NAALADL2: variants seen among roughly 807,000 people sequenced by gnomAD.
NAALADL2 encodes N-acetylated alpha-linked acidic dipeptidase like 2.
Under a neutral mutation model 87.2 loss-of-function variants are expected in NAALADL2, and 76 were observed. That is an observed-to-expected ratio of 0.87 (90% CI 0.72 to 1.05). The LOEUF (loss-of-function observed/expected upper bound fraction) is 1.05. Ranked by LOEUF, NAALADL2 falls within the 50% of genes least tolerant of loss-of-function variation. The pLI, the probability that NAALADL2 is intolerant of heterozygous loss-of-function variation, is 0.00. For synonymous variants in NAALADL2, 354 were observed against 331.0 expected (o/e 1.07, Z -0.75); for missense variants, 1,089 against 945.8 (o/e 1.15, Z -1.99).
intron 2 of NAALADL2, among the ~76,000 whole-genome samples, chr3:175,228,849 T>C (rs2109423148): frequency 6.6e-6 from 1 of 151,906 alleles, no homozygotes; most frequent in Non-Finnish European, 1.5e-5. Flanking sequence ...GAAAGGAACA[T>C]TACATGCCAA....
In NAALADL2 at chr3:174,935,333, G is replaced by A. The variant is rs149101541; in HGVS notation, c.43+75883G>A. Among the ~76,000 whole-genome samples, 1,367 of 152,244 alleles carry A rather than the reference G, an allele frequency of 9.0e-3. 26 individuals carry two copies. The highest frequency in any genetic ancestry group is 0.031 in the African/African-American group (1,297 of 41,538). On this transcript the variant is annotated intron_variant, in intron 1 of 13. Coordinates refer to ENST00000454872, the MANE Select transcript of NAALADL2 (RefSeq NM_207015.3). Reference sequence around the variant, plus strand: ...ATGCATGAAATTTTCTCACATTCATGTAGAATGAACATACAGTTCATAATA... The same window carrying A: ...ATGCATGAAATTTTCTCACATTCATATAGAATGAACATACAGTTCATAATA...
chr3:175,768,940 T>C (rs1002664732), intron 13 of NAALADL2, among the ~76,000 whole-genome samples: 24 of 152,222 alleles, frequency 1.6e-4, no homozygotes, highest in African/African-American at 5.3e-4. Context: ...AATGATCATA[T>C]TGTGAACCAA....
chr3:175,138,918 A>ATGTGTATG (rs1156981904), intron 2 of NAALADL2, among the ~76,000 whole-genome samples: 2 of 136,392 alleles, frequency 1.5e-5, no homozygotes, highest in Non-Finnish European at 3.1e-5. Context: ...ATATATATAT[A>ATGTGTATG]TATATATGAT....
chr3:175,561,251 C>A (rs1317973350), intron 9 of NAALADL2, among the ~76,000 whole-genome samples: 3 of 152,072 alleles, frequency 2.0e-5, no homozygotes, highest in East Asian at 1.9e-4. Flanking sequence ...CTATGCACAT[C>A]CTTCCCTATA....
At chr3:174,821,994 A>T (rs1459734141) in intron 3 of NAALADL2, among the ~76,000 whole-genome samples, 1 of 152,186 alleles carries the variant, frequency 6.6e-6, no homozygotes, top group East Asian at 1.9e-4. Context: ...TCACTGCGAT[A>T]ATAAAGATAA....
At chr3:175,562,403 T>C (rs1359812084) in intron 9 of NAALADL2, among the ~76,000 whole-genome samples, 1 of 152,058 alleles carries the variant, frequency 6.6e-6, no homozygotes, top group Non-Finnish European at 1.5e-5. Flanking sequence ...ATGTACATAT[T>C]ATTATGTATA....
At chr3:175,727,889 T>C (rs1743145956) in intron 11 of NAALADL2, among the ~76,000 whole-genome samples, 1 of 152,146 alleles carries the variant, frequency 6.6e-6, no homozygotes, top group Non-Finnish European at 1.5e-5. Context: ...ATGTTTCTGC[T>C]TATACATGAA....
chr3:175,592,909 G>GA (rs1440791000), intron 10 of NAALADL2, among the ~76,000 whole-genome samples: 2 of 151,388 alleles, frequency 1.3e-5, no homozygotes, highest in East Asian at 1.9e-4. Flanking sequence ...ATAAAAAAAA[G>GA]AAAAAAAAGC....
chr3:174,990,197 G>A (rs144810033), intron 1 of NAALADL2, among the ~76,000 whole-genome samples: 4 of 152,210 alleles, frequency 2.6e-5, no homozygotes, highest in African/African-American at 7.2e-5. Context: ...TACCCACGTT[G>A]GTTCTAAGTC....
intron 1 of NAALADL2, among the ~76,000 whole-genome samples, chr3:174,476,342 T>G (rs1717209888): frequency 6.6e-6 from 1 of 151,704 alleles, no homozygotes; most frequent in Non-Finnish European, 1.5e-5. Flanking sequence ...ATCAAAGAAC[T>G]TTATAGATCA....
intron 3 of NAALADL2, among the ~76,000 whole-genome samples, chr3:174,831,938 T>C (rs1722753002): frequency 6.6e-6 from 1 of 151,774 alleles, no homozygotes. Flanking sequence ...TGTATTTCTG[T>C]GGGATCGGTG....
At chr3:174,569,929 C>G (rs1224172498) in intron 2 of NAALADL2, among the ~76,000 whole-genome samples, 2 of 152,090 alleles carry the variant, frequency 1.3e-5, no homozygotes, top group Non-Finnish European at 2.9e-5. Context: ...GAAGCTTCCT[C>G]TAGCTCTTTC....
chr3:174,481,920 T>G (rs1470600720), intron 1 of NAALADL2, among the ~76,000 whole-genome samples: 4 of 152,046 alleles, frequency 2.6e-5, no homozygotes, highest in African/African-American at 9.7e-5. Flanking sequence ...ATCCCAAAAT[T>G]CCAGACTCTT....
intron 2 of NAALADL2, among the ~76,000 whole-genome samples, chr3:175,143,003 C>T (rs1209219854): frequency 1.3e-5 from 2 of 151,874 alleles, no homozygotes; most frequent in Non-Finnish European, 2.9e-5. Context: ...ATTCTTCCTT[C>T]TAGGGGAAAT....
chr3:175,010,856 G>GT (rs2108802659), intron 1 of NAALADL2, among the ~76,000 whole-genome samples: 1 of 152,176 alleles, frequency 6.6e-6, no homozygotes, highest in African/African-American at 2.4e-5. Flanking sequence ...GTTCATAGCT[G>GT]TAACATTCTA....
intron 2 of NAALADL2, among the ~76,000 whole-genome samples, chr3:175,134,055 A>G (rs1360883793): frequency 6.6e-6 from 1 of 152,166 alleles, no homozygotes; most frequent in Non-Finnish European, 1.5e-5. Flanking sequence ...TGTATACACA[A>G]TTAAGTTTGG....
chr3:175,724,905 A>G (rs1481803716), intron 11 of NAALADL2, among the ~76,000 whole-genome samples: 1 of 152,026 alleles, frequency 6.6e-6, no homozygotes, highest in Non-Finnish European at 1.5e-5. Flanking sequence ...CACATATAAA[A>G]GGAAATAATT....
chr3:175,365,441 T>A (rs1209006087), intron 5 of NAALADL2, among the ~76,000 whole-genome samples: 1 of 147,820 alleles, frequency 6.8e-6, no homozygotes, highest in Non-Finnish European at 1.5e-5. Flanking sequence ...GTAAATTTTC[T>A]TAAACTGCAC....
At chr3:175,507,635 G>A (rs917157858) in intron 9 of NAALADL2, among the ~76,000 whole-genome samples, 4 of 152,084 alleles carry the variant, frequency 2.6e-5, no homozygotes, top group African/African-American at 9.7e-5. Flanking sequence ...TGTTGGCCAG[G>A]CTGGTCTTGA....
Sources: gnomAD v4.1 joint callset for allele counts (sites outside exome capture counted in the v4.1 genomes callset) on GRCh38, gnomAD v4.1.1 for gene constraint, MANE v1.5 for transcripts, NCBI Gene and HGNC (gene_info 2026-07-23, HGNC 2026-07-21) for gene names.